ADAMTSL1: variants seen among roughly 807,000 people sequenced by gnomAD.
ADAMTSL1 encodes ADAMTS-like protein 1.
ADAMTSL1 carries 126 observed loss-of-function variants against 201.8 expected under a neutral mutation model. The ratio of observed to expected loss-of-function variants is 0.62; its 90% CI spans 0.54 to 0.72. The LOEUF is 0.72. Among genes scored for constraint, ADAMTSL1 ranks in the 30% least tolerant of loss-of-function variants. The pLI, the probability that ADAMTSL1 is intolerant of heterozygous loss-of-function variation, is 0.00. For missense variants in ADAMTSL1, 2,679 were observed against 2,277.8 expected, an observed-to-expected ratio of 1.18 and a Z score of -3.59; for synonymous variants, 1,121 against 903.4, an observed-to-expected ratio of 1.24 and a Z score of -4.32.
At chr9:18,801,422 T>C (rs1563812524) in intron 20 of ADAMTSL1, among the ~76,000 whole-genome samples, 1 of 152,212 alleles carries the variant, frequency 6.6e-6, no homozygotes, top group Non-Finnish European at 1.5e-5. Flanking sequence ...CCAGGTTTTT[T>C]ATACAGGTAA....
At chr9:18,455,208 A>G (rs1820555537) in intron 2 of ADAMTSL1, among the ~76,000 whole-genome samples, 1 of 152,226 alleles carries the variant, frequency 6.6e-6, no homozygotes, top group Non-Finnish European at 1.5e-5. Flanking sequence ...ACTTAGTAAC[A>G]TTATGATTTC....
Position 18,628,308 on chromosome 9 carries a change from C to T in ADAMTSL1, c.601+5939C>T, listed in dbSNP as rs142242132. On this transcript the variant is annotated intron_variant, in intron 5 of 28. Transcript: ENST00000380548. ...TAGCTTGAATTTTTTTTCGTATAGA[C>T]GCCCAATTCTTCCAGTACCATTTGT... Among the ~76,000 whole-genome samples, 122 of 152,128 alleles carry T rather than the reference C, an allele frequency of 8.0e-4. 1 individual carries two copies. In the East Asian group the frequency reaches 0.011, roughly 13 times the overall value.
chr9:17,986,009 A>T (rs1264707826), intron 1 of ADAMTSL1, among the ~76,000 whole-genome samples: 1 of 152,132 alleles, frequency 6.6e-6, no homozygotes, highest in African/African-American at 2.4e-5. Flanking sequence ...GGTTTTATTT[A>T]TCAGCCTGAA....
chr9:18,105,653 T>G (rs1218177123), intron 1 of ADAMTSL1, among the ~76,000 whole-genome samples: 2 of 152,158 alleles, frequency 1.3e-5, no homozygotes, highest in Non-Finnish European at 2.9e-5. Flanking sequence ...TTTGCAGACC[T>G]TACCCGTAAT....
chr9:17,989,137 G>A (rs1439547781), intron 1 of ADAMTSL1, among the ~76,000 whole-genome samples: 2 of 151,850 alleles, frequency 1.3e-5, no homozygotes, highest in East Asian at 1.9e-4. Context: ...AACAAATTAT[G>A]TTTATTACAG....
At chr9:18,720,144 G>A (rs1367317869) in intron 14 of ADAMTSL1, among the ~76,000 whole-genome samples, 20 of 152,118 alleles carry the variant, frequency 1.3e-4, no homozygotes, top group Non-Finnish European at 1.9e-4. Flanking sequence ...CAAATGTCTA[G>A]GTTATTCCTA....
chr9:18,841,019 A>G (rs1588208679), intron 23 of ADAMTSL1, among the ~76,000 whole-genome samples: 1 of 146,328 alleles, frequency 6.8e-6, no homozygotes, highest in Admixed American at 6.9e-5. Context: ...CTAATTGAAT[A>G]CCCTTTATTT....
intron 1 of ADAMTSL1, among the ~76,000 whole-genome samples, chr9:17,961,641 A>G (rs1405146224): frequency 6.6e-6 from 1 of 152,182 alleles, no homozygotes; most frequent in Non-Finnish European, 1.5e-5. Flanking sequence ...AAATGATTAT[A>G]TTCAGTTTGC....
intron 2 of ADAMTSL1, among the ~76,000 whole-genome samples, chr9:18,269,294 C>A (rs972159840): frequency 3.3e-5 from 5 of 152,086 alleles, no homozygotes; most frequent in Non-Finnish European, 7.4e-5. Context: ...GAATTGCCCA[C>A]AGAGCTTAGC....
intron 1 of ADAMTSL1, among the ~76,000 whole-genome samples, chr9:18,033,258 A>G (rs1458140025): frequency 6.6e-6 from 1 of 152,196 alleles, no homozygotes; most frequent in African/African-American, 2.4e-5. Context: ...AAATGTTCTT[A>G]TTCCAAAGAA....
chr9:18,198,924 C>T (rs1263372307), intron 2 of ADAMTSL1, among the ~76,000 whole-genome samples: 2 of 141,606 alleles, frequency 1.4e-5, no homozygotes, highest in East Asian at 4.0e-4. Flanking sequence ...GAATACTATG[C>T]AGCCATAAAA....
intron 1 of ADAMTSL1, among the ~76,000 whole-genome samples, chr9:18,148,368 G>A (rs991188801): frequency 4.7e-5 from 7 of 149,968 alleles, no homozygotes; most frequent in Admixed American, 4.7e-4. Context: ...ATGATTAACA[G>A]GGTAGAGGAA....
At chr9:18,380,995 A>T (rs746282517) in intron 2 of ADAMTSL1, among the ~76,000 whole-genome samples, 1 of 152,162 alleles carries the variant, frequency 6.6e-6, no homozygotes, top group African/African-American at 2.4e-5. Flanking sequence ...CTGCTAGTTC[A>T]TCTCCTCTGT....
At chr9:18,447,802 T>C (rs778120468) in intron 2 of ADAMTSL1, among the ~76,000 whole-genome samples, 12 of 152,228 alleles carry the variant, frequency 7.9e-5, no homozygotes, top group Non-Finnish European at 1.6e-4. Context: ...TTTCTCTATA[T>C]GCATGCCCCT....
intron 1 of ADAMTSL1, among the ~76,000 whole-genome samples, chr9:17,997,106 G>T: frequency 6.6e-6 from 1 of 152,066 alleles, no homozygotes; most frequent in Non-Finnish European, 1.5e-5. Context: ...TTAGCCTTTA[G>T]TATGCATGGT....
At chr9:18,712,910 A>G (rs1832701087) in intron 14 of ADAMTSL1, among the ~76,000 whole-genome samples, 1 of 147,882 alleles carries the variant, frequency 6.8e-6, no homozygotes, top group South Asian at 2.2e-4. Flanking sequence ...CTCGGCAGAA[A>G]CCCTACAAGC....
intron 15 of ADAMTSL1, among the ~76,000 whole-genome samples, chr9:18,741,468 T>C (rs1818820191): frequency 6.6e-6 from 1 of 152,234 alleles, no homozygotes; most frequent in South Asian, 2.1e-4. Flanking sequence ...ATTTCACTTG[T>C]AGAGAAAACT....
At chr9:18,346,658 A>T (rs1269814611) in intron 2 of ADAMTSL1, among the ~76,000 whole-genome samples, 2 of 152,164 alleles carry the variant, frequency 1.3e-5, no homozygotes, top group African/African-American at 2.4e-5. Context: ...TTAGAAGTAA[A>T]AGTGGCCTTC....
intron 2 of ADAMTSL1, among the ~76,000 whole-genome samples, chr9:18,331,833 G>T (rs1835039962): frequency 6.6e-6 from 1 of 152,126 alleles, no homozygotes; most frequent in Non-Finnish European, 1.5e-5. Context: ...GAACTAAAAT[G>T]AAAATAGAAT....
Sources: allele counts gnomAD v4.1 joint callset (sites outside exome capture counted in the v4.1 genomes callset), GRCh38; gene constraint gnomAD v4.1.1; transcripts MANE v1.5; gene names NCBI Gene and HGNC (gene_info 2026-07-23, HGNC 2026-07-21).